The following DYM variants were observed in gnomAD, a reference collection of about 807,000 sequenced individuals.
The protein encoded by DYM is dymeclin, also known as dyggve-Melchior-Clausen syndrome protein.
Under a neutral mutation model 93.1 loss-of-function variants are expected in DYM, and 78 were observed. The observed-to-expected ratio is 0.84, with a 90% CI of 0.70 to 1.01. The LOEUF (loss-of-function observed/expected upper bound fraction) is 1.01. Among genes scored for constraint, DYM ranks in the 50% least tolerant of loss-of-function variants. DYM has a pLI of 0.00. For synonymous variants in DYM, 321 were observed against 319.7 expected, an observed-to-expected ratio of 1.00 and a Z score of -0.04; for missense variants, 789 against 845.0, an observed-to-expected ratio of 0.93 and a Z score of 0.82.
chr18:49,114,670 CGTGTGT>C, intron 16 of DYM: 5 of 612,522 alleles, frequency 8.2e-6, no homozygotes, highest in Non-Finnish European at 1.0e-5. Context: ...CTTTTTCTTT[CGTGTGT>C]GTGTGTGTGT....
intron 13 of DYM, among the ~76,000 whole-genome samples, chr18:49,226,102 A>T (rs1037056826): frequency 2.0e-5 from 3 of 152,118 alleles, no homozygotes; most frequent in African/African-American, 7.2e-5. Flanking sequence ...ATCATATACC[A>T]CCAAAGCAAA....
intron 3 of DYM, among the ~76,000 whole-genome samples, chr18:49,381,472 C>T (rs935806950): frequency 7.2e-5 from 11 of 152,248 alleles, no homozygotes; most frequent in Admixed American, 6.5e-4. Flanking sequence ...TTTGCTATTC[C>T]AAGCGTGGCT....
intron 17 of DYM, among the ~76,000 whole-genome samples, chr18:49,066,090 A>G (rs1231096659): frequency 6.6e-6 from 1 of 152,070 alleles, no homozygotes; most frequent in Non-Finnish European, 1.5e-5. Flanking sequence ...GTAAAAGTGT[A>G]ACAACTAAAT....
rs538726447 is a variant in DYM at position 49,448,293 on chromosome 18, A to G, written c.-54+12105T>C. On this transcript the variant is annotated intron_variant, in intron 1 of 17. Coordinates refer to ENST00000675505, the MANE Select transcript of DYM (RefSeq NM_001353214.3). ...CCTTCAATTAGAGTAGTACTTAATTAGTAAGGGAATTTTAAGTTTGGAAGT... is the reference window on the plus strand; with the variant it reads ...CCTTCAATTAGAGTAGTACTTAATTGGTAAGGGAATTTTAAGTTTGGAAGT... 6.0e-4 allele frequency among the ~76,000 whole-genome samples: 92 copies of G among 152,312 alleles called. 1 individual carries two copies. Among genetic ancestry groups the G allele is most frequent in the Middle Eastern group, 6.8e-3 (2 of 294 alleles).
rs142719864 is a variant in DYM, at chr18:49,216,103, C to T, written c.1461-6388G>A. The stretch of plus-strand genomic sequence containing the variant: ...AACGGTGCACCACGAGATTATATCC[C>T]GCACCTGGCTCGGAGGGTCCTACAC... On this transcript the variant is annotated intron_variant, in intron 13 of 17. Coordinates refer to ENST00000675505, the MANE Select transcript of DYM (RefSeq NM_001353214.3). Among the ~76,000 whole-genome samples the T allele has an allele frequency of 3.5e-3, 536 of 152,336 alleles. 4 individuals are homozygous for T. The highest frequency in any genetic ancestry group is 0.012 in the African/African-American group (489 of 41,564).
At chr18:49,267,800 A>G (rs1053946890) in intron 11 of DYM, among the ~76,000 whole-genome samples, 1 of 152,302 alleles carries the variant, frequency 6.6e-6, no homozygotes, top group Admixed American at 6.5e-5. Flanking sequence ...CGGGAGGCTG[A>G]GGCATGAGAA....
chr18:49,254,281 CATATATATATATATATAT>C (rs3084549), intron 13 of DYM, among the ~76,000 whole-genome samples: 21,342 of 136,332 alleles, frequency 0.16, 2,181 homozygotes, highest in African/African-American at 0.29. Context: ...ATCCTTGTAT[CATATATATATATATATAT>C]ATATATATAT....
At chr18:49,192,278 T>A (rs931842531) in intron 14 of DYM, among the ~76,000 whole-genome samples, 11 of 152,048 alleles carry the variant, frequency 7.2e-5, no homozygotes, top group African/African-American at 2.7e-4. Context: ...AAAATGGGAA[T>A]AATAATATCT....
At chr18:49,383,925 T>C (rs996354400) in intron 3 of DYM, among the ~76,000 whole-genome samples, 3 of 151,312 alleles carry the variant, frequency 2.0e-5, no homozygotes, top group African/African-American at 4.8e-5. Context: ...TAAATCAAAA[T>C]TGCCAAAAGA....
intron 13 of DYM, among the ~76,000 whole-genome samples, chr18:49,210,542 T>C (rs1476216671): frequency 6.6e-6 from 1 of 152,058 alleles, no homozygotes; most frequent in Non-Finnish European, 1.5e-5. Flanking sequence ...TGCCAGGAGT[T>C]AGAGGGGAGA....
At chr18:49,084,648 A>G (rs192433153) in intron 17 of DYM, among the ~76,000 whole-genome samples, 11 of 152,290 alleles carry the variant, frequency 7.2e-5, no homozygotes, top group African/African-American at 2.4e-4. Flanking sequence ...AATTTGAAAT[A>G]ATCTAGATGT....
intron 4 of DYM, 121 bp downstream of exon 4, chr18:49,379,544 T>C (rs2067839585): frequency 5.7e-6 from 5 of 874,020 alleles, no homozygotes; most frequent in Non-Finnish European, 7.3e-6. Context: ...TTTTTCTTAA[T>C]AATGAGAATA....
At chr18:49,263,394 C>T (rs1323373796) in intron 11 of DYM, among the ~76,000 whole-genome samples, 1 of 150,540 alleles carries the variant, frequency 6.6e-6, no homozygotes, top group African/African-American at 2.4e-5. Flanking sequence ...GCTGGGATTA[C>T]AGGCGTGAGC....
intron 8 of DYM, among the ~76,000 whole-genome samples, chr18:49,292,636 A>C: frequency 7.2e-6 from 1 of 139,802 alleles, no homozygotes; most frequent in African/African-American, 2.6e-5. Context: ...CCCCCACAAA[A>C]ACCTGTCCAC....
At position 49,418,020 on chromosome 18, in the gene DYM, A is replaced by G. The variant is rs528501127; in HGVS notation, c.140+12235T>C. 3.6e-5 allele frequency: 5 copies of G among 140,756 alleles called. No individual in the cohort carries two copies. In the East Asian group the frequency reaches 6.6e-4, roughly 19 times the overall value. The allele number at this position is 140,756 out of a possible 1,614,324, so 8.7% of individuals were successfully genotyped here. On this transcript the variant is annotated intron_variant, in intron 2 of 17. Coordinates refer to ENST00000675505, the MANE Select transcript of DYM (RefSeq NM_001353214.3). ...GGTTGTGGTGAGCCGAGATCATGCC[A>G]TTGCACTCCAGCCTGGGCAACAAGA... is the stretch of plus-strand genomic sequence containing the variant.
chr18:49,194,140 T>C (rs1320402963), intron 14 of DYM, among the ~76,000 whole-genome samples: 7 of 152,212 alleles, frequency 4.6e-5, no homozygotes, highest in Non-Finnish European at 1.0e-4. Flanking sequence ...AATATTTCTA[T>C]AATAAGCAGT....
At chr18:49,201,792 T>G (rs916584934) in intron 14 of DYM, among the ~76,000 whole-genome samples, 1 of 152,236 alleles carries the variant, frequency 6.6e-6, no homozygotes, top group Non-Finnish European at 1.5e-5. Flanking sequence ...TAATCCTGTT[T>G]CAGACTACTT....
At chr18:49,321,120 A>G in intron 8 of DYM, 1 of 350,496 alleles carries the variant, frequency 2.9e-6, no homozygotes. Context: ...TATAGTCTCA[A>G]AAAATAGAAT....
At chr18:49,313,462 C>A (rs1277404574) in intron 8 of DYM, among the ~76,000 whole-genome samples, 3 of 28,550 alleles carry the variant, frequency 1.1e-4, no homozygotes, top group Non-Finnish European at 1.3e-4. Context: ...GACTCTGTCA[C>A]AAAAAAAAAA....
Sources: gnomAD v4.1 joint callset for allele counts (sites outside exome capture counted in the v4.1 genomes callset) on GRCh38, gnomAD v4.1.1 for gene constraint, MANE v1.5 for transcripts, NCBI Gene and HGNC (gene_info 2026-07-23, HGNC 2026-07-21) for gene names.